SYT16: variants seen among roughly 807,000 people sequenced by gnomAD.
SYT16 encodes the protein synaptotagmin 16.
SYT16 carries 42 observed loss-of-function variants against 61.4 expected under a neutral mutation model. That is an observed-to-expected ratio of 0.68 (90% CI 0.53 to 0.89). SYT16 has a LOEUF of 0.89. Ranked by LOEUF, SYT16 falls within the 40% of genes least tolerant of loss-of-function variation. The probability of loss-of-function intolerance (pLI) is 0.00; values close to 1 mark genes in which losing one functional copy is unlikely to be tolerated. For missense variants in SYT16, 804 were observed against 807.3 expected (o/e 1.00, Z 0.05); for synonymous variants, 314 against 302.3 (o/e 1.04, Z -0.40).
At chr14:62,077,616 G>A (rs1463033918) in intron 5 of SYT16, 1 of 152,260 alleles carries the variant, frequency 6.6e-6, no homozygotes, top group Non-Finnish European at 1.5e-5. Context: ...TTGCAGGAAG[G>A]TCAGATGGAT....
In SYT16 at chr14:62,112,048, G is replaced by GTCTTT. The variant is rs1314209913; in HGVS notation, c.*11341_*11342insTCTTT. On this transcript the variant is annotated 3_prime_UTR_variant, in exon 8 of 8. Transcript: ENST00000683842. ...GAAATTTTTTAATTGTTAAAAACTG[G>GTCTTT]AATACCTTTCTACCTTTTGTAGTCT... 9 of 152,196 alleles carry GTCTTT rather than the reference G, an allele frequency of 5.9e-5. No homozygotes were observed. In the South Asian group the frequency reaches 1.9e-3, roughly 32 times the overall value. The allele number at this position is 152,196 out of a possible 1,614,324, so 9.4% of individuals were successfully genotyped here.
intron 3 of SYT16, among the ~76,000 whole-genome samples, chr14:62,053,042 G>C (rs541951116): frequency 2.0e-5 from 3 of 152,260 alleles, no homozygotes; most frequent in Admixed American, 1.3e-4. Context: ...AGGCTGGAAG[G>C]GTTTTGAAGT....
At chr14:61,893,560 G>A (rs562706298) in intron 1 of SYT16, among the ~76,000 whole-genome samples, 3 of 152,290 alleles carry the variant, frequency 2.0e-5, no homozygotes, top group African/African-American at 7.2e-5. Flanking sequence ...TAATAATCCA[G>A]ATTTAAAAAG....
chr14:61,910,288 G>C (rs2048880120), intron 1 of SYT16, among the ~76,000 whole-genome samples: 1 of 152,066 alleles, frequency 6.6e-6, no homozygotes, highest in Non-Finnish European at 1.5e-5. Context: ...ACCTGGGCTA[G>C]AGTGCAATGG....
At chr14:61,917,443 G>A (rs2049163920) in intron 1 of SYT16, among the ~76,000 whole-genome samples, 1 of 152,080 alleles carries the variant, frequency 6.6e-6, no homozygotes, top group Non-Finnish European at 1.5e-5. Context: ...ATTTTTTGGG[G>A]GGAGCATATT....
chr14:62,112,187 C>T lies in SYT16; in HGVS notation c.*11480C>T, dbSNP rs1394209956. On this transcript the variant is annotated 3_prime_UTR_variant, in exon 8 of 8. Transcript: ENST00000683842. Reference sequence around the variant, plus strand: ...GTCAATACTTTTTGTTAGAAATGCCCTCTGAAAATGTTAGAAAATGTAAAA... The same window carrying T: ...GTCAATACTTTTTGTTAGAAATGCCTTCTGAAAATGTTAGAAAATGTAAAA... The T allele has an allele frequency of 6.6e-6, 1 of 151,922 alleles. No homozygotes were observed. The highest frequency in any genetic ancestry group is 1.9e-4 in the East Asian group (1 of 5,198). 9.4% of individuals were successfully genotyped at this position (151,922 alleles called of 1,614,324 possible).
chr14:62,028,138 T>C lies in SYT16; in HGVS notation c.523+31596T>C, dbSNP rs549186183. ...AGGCAGAATTTGCTCAGTTGTGTTA[T>C]GCCATTATATGATGTGCTGACTAGT... On this transcript the variant is annotated intron_variant, in intron 3 of 7. Coordinates refer to ENST00000683842, the MANE Select transcript of SYT16 (RefSeq NM_001367656.1). 6.6e-5 allele frequency among the ~76,000 whole-genome samples: 10 copies of C among 152,212 alleles called. 1 individual carries two copies. Among genetic ancestry groups the C allele is most frequent in the Admixed American group, 6.5e-4 (10 of 15,274 alleles).
chr14:61,847,138 A>G (rs2046469052), intron 1 of SYT16, among the ~76,000 whole-genome samples: 1 of 152,206 alleles, frequency 6.6e-6, no homozygotes. Context: ...TACTGTTACC[A>G]GTGAGTTTTA....
intron 1 of SYT16, among the ~76,000 whole-genome samples, chr14:61,902,647 TG>T (rs1451712654): frequency 6.6e-6 from 1 of 152,168 alleles, no homozygotes; most frequent in Admixed American, 6.5e-5. Context: ...GTGGTTTGCT[TG>T]TTGTATCAGT....
At chr14:61,943,099 A>T (rs770982940) in intron 1 of SYT16, among the ~76,000 whole-genome samples, 6 of 152,210 alleles carry the variant, frequency 3.9e-5, no homozygotes, top group Admixed American at 6.5e-5. Context: ...GAATACTATA[A>T]ACACCCCTAC....
chr14:62,086,520 TTG>T (rs1351237277), intron 7 of SYT16, among the ~76,000 whole-genome samples: 1 of 151,956 alleles, frequency 6.6e-6, no homozygotes, highest in Non-Finnish European at 1.5e-5. Flanking sequence ...AAACAAAAAA[TTG>T]TGTTATGAAA....
At chr14:61,977,891 C>A (rs116141704) in intron 2 of SYT16, among the ~76,000 whole-genome samples, 1 of 152,098 alleles carries the variant, frequency 6.6e-6, no homozygotes, top group Admixed American at 6.6e-5. Flanking sequence ...TCTGGAGACC[C>A]ATATTCTGAA....
At chr14:62,041,706 C>T (rs1322327885) in intron 3 of SYT16, among the ~76,000 whole-genome samples, 1 of 152,076 alleles carries the variant, frequency 6.6e-6, no homozygotes, top group African/African-American at 2.4e-5. Flanking sequence ...GGGGTTTCAC[C>T]ATATGGGCCA....
intron 3 of SYT16, among the ~76,000 whole-genome samples, chr14:62,027,780 G>C (rs907060339): frequency 1.3e-5 from 2 of 152,174 alleles, no homozygotes; most frequent in African/African-American, 2.4e-5. Flanking sequence ...CAAGTCTGTA[G>C]TCAGCCATGT....
At chr14:62,014,896 A>G (rs1433435446) in intron 3 of SYT16, among the ~76,000 whole-genome samples, 1 of 152,210 alleles carries the variant, frequency 6.6e-6, no homozygotes, top group East Asian at 1.9e-4. Context: ...ATTTATGTCT[A>G]CTGTCTTCTA....
At chr14:61,824,385 C>A (rs1034198903) in intron 1 of SYT16, among the ~76,000 whole-genome samples, 3 of 152,078 alleles carry the variant, frequency 2.0e-5, no homozygotes, top group African/African-American at 7.2e-5. Context: ...TAGAGTCTCA[C>A]TTTGTCTCCC....
chr14:61,922,936 C>A (rs983168585), intron 1 of SYT16, among the ~76,000 whole-genome samples: 17 of 151,916 alleles, frequency 1.1e-4, no homozygotes, highest in Middle Eastern at 6.8e-3. Context: ...GTAATCCCAG[C>A]TGCTCAGGAG....
chr14:61,871,725 T>A (rs560973444), intron 1 of SYT16, among the ~76,000 whole-genome samples: 14 of 152,242 alleles, frequency 9.2e-5, no homozygotes, highest in Non-Finnish European at 1.5e-4. Flanking sequence ...TCCTTAACTT[T>A]TTCACATGAA....
At chr14:61,955,831 G>T (rs2050852779) in intron 1 of SYT16, among the ~76,000 whole-genome samples, 1 of 151,978 alleles carries the variant, frequency 6.6e-6, no homozygotes, top group Admixed American at 6.6e-5. Flanking sequence ...GGGTCAAGTG[G>T]TAATTCTATG....
Sources: gnomAD v4.1 joint callset for allele counts (sites outside exome capture counted in the v4.1 genomes callset) on GRCh38, gnomAD v4.1.1 for gene constraint, MANE v1.5 for transcripts, NCBI Gene and HGNC (gene_info 2026-07-23, HGNC 2026-07-21) for gene names.